The following UNKL variants were observed in gnomAD, a reference collection of about 807,000 sequenced individuals.
The protein encoded by UNKL is unk like zinc finger.
In UNKL, 60 loss-of-function variants were observed where a neutral mutation model predicts 78.0. That is an observed-to-expected ratio of 0.77 (90% CI 0.63 to 0.95). UNKL has a LOEUF of 0.95. UNKL is among the 40% of genes least tolerant of loss of function. The probability of loss-of-function intolerance (pLI) is 0.00; values close to 1 mark genes in which losing one functional copy is unlikely to be tolerated. For missense variants in UNKL, 1,159 were observed against 1,045.7 expected, an observed-to-expected ratio of 1.11 and a Z score of -1.49; for synonymous variants, 608 against 474.8, an observed-to-expected ratio of 1.28 and a Z score of -3.65.
rs778670919 is a variant in UNKL, at chr16:1,367,301, G to T, written c.1837C>A (p.Arg613Ser). Residue 613 changes from arginine to serine, a missense_variant, in exon 14 of 15, where the codon CGT (arginine) becomes AGT (serine). Transcript: ENST00000389221. ...AGCTGCCGGTCGCTATCGGCCACAC[G>T]GGCACGCTCCTTGGCCTCCTGCGCC... is the stretch of plus-strand genomic sequence containing the variant. ...REAQEAKERA[R>S]VADSDRQLAL... 6 of 1,556,676 alleles carry T rather than the reference G, an allele frequency of 3.9e-6. No homozygotes were observed. The highest frequency in any genetic ancestry group is 2.4e-5 in the East Asian group (1 of 41,710).
Position 1,367,789 on chromosome 16 carries a change from ATGGGGGAGGGGC to A in UNKL, c.1643_1654del (p.Ser548_Pro551del). The A allele has an allele frequency of 1.3e-6, 2 of 1,564,732 alleles. No homozygotes were observed. The highest frequency in any genetic ancestry group is 1.7e-6 in the Non-Finnish European group (2 of 1,151,850). ...AGAGGATGGGGGGCCGGCACTCAGG[ATGGGGGAGGGGC>A]TGGGGGAGAAGCTGCCGGAAACAAA... On this transcript the variant is annotated inframe_deletion, in exon 13 of 15. Coordinates refer to ENST00000389221, the MANE Select transcript of UNKL (RefSeq NM_001372107.1).
At chr16:1,390,193 G>A (rs1485392748) in intron 9 of UNKL, among the ~76,000 whole-genome samples, 1 of 152,104 alleles carries the variant, frequency 6.6e-6, no homozygotes, top group Non-Finnish European at 1.5e-5. Flanking sequence ...TCACCATGTT[G>A]GCCAGGCTGG....
At chr16:1,391,219 T>C (rs2142127466) in intron 8 of UNKL, among the ~76,000 whole-genome samples, 1 of 149,426 alleles carries the variant, frequency 6.7e-6, no homozygotes, top group Admixed American at 6.7e-5. Flanking sequence ...TATTCAGCAG[T>C]ACTCTTGGTC....
At chr16:1,394,427 A>T (rs775949200) in intron 6 of UNKL, 1 of 696,172 alleles carries the variant, frequency 1.4e-6, no homozygotes, top group South Asian at 1.5e-5. Context: ...ACACGCACAC[A>T]TGTGGGGCCA....
At chr16:1,413,726 G>A (rs1208167055) in intron 2 of UNKL, 120 bp downstream of exon 2, 6 of 1,126,528 alleles carry the variant, frequency 5.3e-6, no homozygotes, top group East Asian at 2.6e-5. Flanking sequence ...GTATAATTAC[G>A]ACTCCCTCTG....
At chr16:1,379,676 G>A (rs1024660912) in intron 10 of UNKL, 7 of 984,368 alleles carry the variant, frequency 7.1e-6, no homozygotes, top group Non-Finnish European at 8.4e-6. Flanking sequence ...CGCCGCCGGG[G>A]ATTCAAACCC....
At chr16:1,374,379 T>C (rs975797576) in intron 10 of UNKL, among the ~76,000 whole-genome samples, 1 of 152,140 alleles carries the variant, frequency 6.6e-6, no homozygotes, top group Admixed American at 6.5e-5. Context: ...TGAGGCCTGC[T>C]CTGAGACAGG....
At chr16:1,375,322 C>T (rs1337095567) in intron 10 of UNKL, among the ~76,000 whole-genome samples, 2 of 152,202 alleles carry the variant, frequency 1.3e-5, no homozygotes, top group Non-Finnish European at 2.9e-5. Flanking sequence ...GGAGAGAAGC[C>T]TGGCTCGGGA....
rs1002340982 is a variant in UNKL at position 1,365,312 on chromosome 16, T to A, written c.*928A>T. ...AGAAGACAGCTGCTTAAAAAAGTAA[T>A]TCTAAAAGCTCTGACGTCGGATCCC... is the stretch of plus-strand genomic sequence containing the variant. On this transcript the variant is annotated 3_prime_UTR_variant, in exon 15 of 15. Coordinates refer to ENST00000389221, the MANE Select transcript of UNKL (RefSeq NM_001372107.1). 2.6e-5 allele frequency: 4 copies of A among 152,214 alleles called. No individual in the cohort carries two copies. Among genetic ancestry groups the A allele is most frequent in the Non-Finnish European group, 5.9e-5 (4 of 68,046 alleles). 9.4% of individuals were successfully genotyped at this position (152,214 alleles called of 1,614,324 possible).
At position 1,412,857 on chromosome 16, in the gene UNKL, G is replaced by C. The variant is rs527788765; in HGVS notation, c.287+989C>G. 1.1e-3 allele frequency among the ~76,000 whole-genome samples: 174 copies of C among 151,792 alleles called. 1 individual carries two copies. The highest frequency in any genetic ancestry group is 3.8e-3 in the African/African-American group (157 of 41,334). ...AGGATCGCTGTGCCCAGGAGGTTGA[G>C]ACCAGACCAGGCTACAGCAAGAACC... On this transcript the variant is annotated intron_variant, in intron 2 of 14. Transcript: ENST00000389221.
rs2034978399 is a variant in UNKL, at chr16:1,363,271, G to A, written c.*2969C>T. ...AACTCCATGAATTCTGTAAACCATT[G>A]CATAAATGCTATAGTGTAAAAAAAT... On this transcript the variant is annotated 3_prime_UTR_variant, in exon 15 of 15. Coordinates refer to ENST00000389221, the MANE Select transcript of UNKL (RefSeq NM_001372107.1). 2 of 650,066 alleles carry A rather than the reference G, an allele frequency of 3.1e-6. No homozygotes were observed. Among genetic ancestry groups the A allele is most frequent in the African/African-American group, 1.8e-5 (1 of 55,166 alleles). The allele number at this position is 650,066 out of a possible 1,614,324, so 40.3% of individuals were successfully genotyped here.
At chr16:1,414,556 G>A (rs1405568386) in intron 1 of UNKL, 59 bp downstream of exon 1, 1 of 771,148 alleles carries the variant, frequency 1.3e-6, no homozygotes, top group Non-Finnish European at 1.6e-6. Context: ...GAGCCCCGGC[G>A]GGAGGCTCCG....
chr16:1,368,534 G>A (rs551391027), intron 12 of UNKL, among the ~76,000 whole-genome samples: 132 of 146,150 alleles, frequency 9.0e-4, no homozygotes, highest in South Asian at 7.8e-3. Context: ...CCCGGGAAGC[G>A]GAGCTTGCAG....
Position 1,414,009 on chromosome 16 carries a change from G to A in UNKL, c.124C>T (p.His42Tyr). ...AACGGCCGGTGCTGCGCGCACTTGT[G>A]CTGTGAAAACAGGGGGCACTGCTCC... is the stretch of plus-strand genomic sequence containing the variant. ...RTEQCPLFSQ[H>Y]KCAQHRPFTC... The change falls in exon 2 of 15, where the codon CAC (histidine) becomes TAC (tyrosine). Residue 42 changes from histidine to tyrosine, a missense_variant. Transcript: ENST00000389221. 2 of 1,551,630 alleles carry A rather than the reference G, an allele frequency of 1.3e-6. No homozygotes were observed. The highest frequency in any genetic ancestry group is 1.7e-6 in the Non-Finnish European group (2 of 1,147,336).
chr16:1,407,969 G>A (rs551787240), intron 2 of UNKL, among the ~76,000 whole-genome samples: 1 of 152,158 alleles, frequency 6.6e-6, no homozygotes, highest in African/African-American at 2.4e-5. Flanking sequence ...ACTCTGGGAA[G>A]CCTAGGCATA....
At chr16:1,414,205 C>T in intron 1 of UNKL, 150 bp from the exon 2 acceptor site, 1 of 756,350 alleles carries the variant, frequency 1.3e-6, no homozygotes, top group Non-Finnish European at 2.1e-6. Context: ...TGCGCCCACC[C>T]CCATCCCGAC....
chr16:1,405,645 G>A (rs1354548880), intron 2 of UNKL, among the ~76,000 whole-genome samples: 1 of 151,934 alleles, frequency 6.6e-6, no homozygotes, highest in African/African-American at 2.4e-5. Context: ...TAGGAGGTGA[G>A]AGGGAATACC....
At chr16:1,370,796 G>C (rs1377792613) in intron 11 of UNKL, among the ~76,000 whole-genome samples, 2 of 152,226 alleles carry the variant, frequency 1.3e-5, no homozygotes, top group Non-Finnish European at 2.9e-5. Context: ...AGATACATTT[G>C]TATGGGGCCG....
At chr16:1,367,374 A>T (rs79959864) in intron 13 of UNKL, 25 bp from the exon 14 acceptor site, 4 of 1,515,884 alleles carry the variant, frequency 2.6e-6, no homozygotes, top group Admixed American at 2.0e-5. Flanking sequence ...CCGTCTCAGC[A>T]CCCCCCACCT....
Sources: allele counts gnomAD v4.1 joint callset (sites outside exome capture counted in the v4.1 genomes callset), GRCh38; gene constraint gnomAD v4.1.1; transcripts MANE v1.5; gene names NCBI Gene and HGNC (gene_info 2026-07-23, HGNC 2026-07-21).